The following USP36 variants were observed in gnomAD, a reference collection of about 807,000 sequenced individuals.
USP36 encodes ubiquitin specific peptidase 36.
USP36 carries 59 observed loss-of-function variants against 111.5 expected under a neutral mutation model. That is an observed-to-expected ratio of 0.53 (90% CI 0.43 to 0.66). The LOEUF is 0.66. Among genes scored for constraint, USP36 ranks in the 30% least tolerant of loss-of-function variants. USP36 has a pLI of 0.00. For synonymous variants in USP36, 628 were observed against 581.0 expected, an observed-to-expected ratio of 1.08 and a Z score of -1.16; for missense variants, 1,488 against 1,468.0, an observed-to-expected ratio of 1.01 and a Z score of -0.22.
chr17:78,790,915 C>G (rs2093577993), downstream of USP36, among the ~76,000 whole-genome samples: 1 of 152,108 alleles, frequency 6.6e-6, no homozygotes. Flanking sequence ...GCAGCCATGT[C>G]CTGTTGCTTC....
chr17:78,803,111 G>A lies in USP36; in HGVS notation c.2810+274C>T, dbSNP rs2093797410. 6.6e-6 allele frequency among the ~76,000 whole-genome samples: 1 copy of A among 151,778 alleles called. No individual in the cohort carries two copies. Among genetic ancestry groups the A allele is most frequent in the African/African-American group, 2.4e-5 (1 of 41,286 alleles). On this transcript the variant is annotated intron_variant, in intron 16 of 20. Transcript: ENST00000449938. This position sits in a 1 kb window ranked among gnomAD's most constrained non-coding sequence, Gnocchi z 4.6. ...ATGCCACCATGCCCAACCAATTTTT[G>A]TTTTTGGTAGAGAAAGGGCTTTTCC...
chr17:78,812,411 C>T (rs1203095215), intron 13 of USP36, among the ~76,000 whole-genome samples: 1 of 151,982 alleles, frequency 6.6e-6, no homozygotes, highest in Non-Finnish European at 1.5e-5. Flanking sequence ...TAACATTGGC[C>T]GGGCGCGGTG....
intron 4 of USP36, 50 bp downstream of exon 4, chr17:78,835,230 T>A (rs138013298): frequency 6.3e-7 from 1 of 1,576,050 alleles, no homozygotes; most frequent in Non-Finnish European, 8.7e-7. Context: ...CATGGGCTTA[T>A]CTAATCCAGA....
In USP36 at chr17:78,807,294, T is replaced by C. The variant is rs1163285898; in HGVS notation, c.1750A>G (p.Lys584Glu). ...SRDVVLSTSP[K>E]LLATATANGH... is the part of the protein sequence containing the mutation. The stretch of plus-strand genomic sequence containing the variant: ...TTGGCAGTGGCTGTAGCCAGGAGCT[T>C]AGGTGAGGTAGAGAGGACAACATCC... The change falls in exon 14 of 21, where the codon AAG becomes GAG. Residue 584 changes from lysine (K) to glutamate (E), a missense_variant. Coordinates refer to ENST00000449938, the MANE Select transcript of USP36 (RefSeq NM_001385174.1). 1 of 1,614,080 alleles carries C rather than the reference T, an allele frequency of 6.2e-7. No homozygotes were observed. Among genetic ancestry groups the C allele is most frequent in the Non-Finnish European group, 8.5e-7 (1 of 1,180,004 alleles).
At chr17:78,818,842 T>C in intron 9 of USP36, 64 bp from the exon 10 acceptor site, 5 of 1,552,500 alleles carry the variant, frequency 3.2e-6, no homozygotes. Context: ...AATGTTGTCT[T>C]AACGCTAAGT....
downstream of USP36, among the ~76,000 whole-genome samples, chr17:78,792,728 G>A (rs1433542703): frequency 3.3e-5 from 5 of 152,008 alleles, no homozygotes; most frequent in East Asian, 9.7e-4. Flanking sequence ...TTTTGTTGTC[G>A]TTGTTTTTGA....
chr17:78,820,086 G>A (rs1169741170), intron 8 of USP36, 74 bp from the exon 9 acceptor site: 2 of 1,532,344 alleles, frequency 1.3e-6, no homozygotes, highest in African/African-American at 2.7e-5. Flanking sequence ...CCAAATTTAA[G>A]GTCTTTTTTA....
intron 10 of USP36, among the ~76,000 whole-genome samples, chr17:78,815,841 AC>A (rs1447728894): frequency 1.6e-5 from 2 of 124,430 alleles, no homozygotes. Context: ...ATATACATAC[AC>A]ACACACATAT....
intron 4 of USP36, among the ~76,000 whole-genome samples, chr17:78,830,618 A>G (rs879706072): frequency 6.6e-6 from 1 of 152,234 alleles, no homozygotes; most frequent in Non-Finnish European, 1.5e-5. Context: ...ATTATCAAAT[A>G]GATCCATCTC....
At chr17:78,813,917 G>A in intron 11 of USP36, 44 bp from the exon 12 acceptor site, 1 of 1,545,154 alleles carries the variant, frequency 6.5e-7, no homozygotes, top group South Asian at 1.1e-5. Context: ...CAATCAACAA[G>A]CATCCCATTA....
chr17:78,812,945 G>C lies in USP36; in HGVS notation c.1322C>G (p.Ser441Cys), dbSNP rs772858458. 2 of 1,613,984 alleles carry C rather than the reference G, an allele frequency of 1.2e-6. No homozygotes were observed. The highest frequency in any genetic ancestry group is 2.7e-5 in the African/African-American group (2 of 74,916). The change falls in exon 13 of 21, where the codon TCC (serine) becomes TGC (cysteine). Residue 441 changes from serine to cysteine, a missense_variant. Transcript: ENST00000449938. ...EGLISRTGSS[S>C]LPGRPSVIPD... ...AATCACACTCGGGCGGCCGGGAAGG[G>C]AGGAGGAGCCTGTCCTGGAGATGAG...
At chr17:78,823,089 C>A in intron 6 of USP36, 1 of 398,948 alleles carries the variant, frequency 2.5e-6, no homozygotes, top group South Asian at 1.3e-4. Flanking sequence ...CTCAGTCTCT[C>A]ATCTGGCCTG....
intron 4 of USP36, among the ~76,000 whole-genome samples, chr17:78,833,436 C>T (rs972395254): frequency 7.9e-5 from 12 of 151,964 alleles, no homozygotes; most frequent in Non-Finnish European, 1.2e-4. Context: ...TGTGAGCCAC[C>T]GTGCCCAGCC....
intron 10 of USP36, among the ~76,000 whole-genome samples, chr17:78,815,802 A>G (rs898343289): frequency 7.2e-5 from 11 of 151,728 alleles, no homozygotes; most frequent in African/African-American, 2.4e-4. Context: ...ATACATGCAT[A>G]CATACATCGT....
chr17:78,799,725 C>A lies in USP36; in HGVS notation c.3066G>T (p.Glu1022Asp), dbSNP rs2093693535. The A allele has an allele frequency of 1.2e-6, 2 of 1,612,772 alleles. No homozygotes were observed. The highest frequency in any genetic ancestry group is 4.5e-5 in the East Asian group (2 of 44,676). Reference sequence around the variant, plus strand: ...TGAGCAGTTCCTGGACCACATCAGACTCCCGCTCTCCATTCCAAGACACAG... The same window carrying A: ...TGAGCAGTTCCTGGACCACATCAGAATCCCGCTCTCCATTCCAAGACACAG... ...APPVSWNGER[E>D]SDVVQELLKY... Residue 1022 changes from glutamate (E) to aspartate (D), a missense_variant, in exon 18 of 21, where the codon GAG becomes GAT. Around this residue, in one of 3 missense-constraint regions of USP36, gnomAD observed 1,073 missense variants for 994.1 expected, o/e 1.08. Transcript: ENST00000449938.
At chr17:78,800,969 ATTTTTTTT>A (rs746497209) in intron 17 of USP36, among the ~76,000 whole-genome samples, 1 of 97,192 alleles carries the variant, frequency 1.0e-5, no homozygotes, top group African/African-American at 4.1e-5. Context: ...TTAGGGCAGT[ATTTTTTTT>A]TTTTTTTTTT....
At chr17:78,813,347 T>G (rs2094112819) in intron 12 of USP36, among the ~76,000 whole-genome samples, 1 of 152,078 alleles carries the variant, frequency 6.6e-6, no homozygotes, top group South Asian at 2.1e-4. Flanking sequence ...GTCTCCAGCC[T>G]CCAGGTCAGT....
chr17:78,833,799 C>G (rs1056411573), intron 4 of USP36, among the ~76,000 whole-genome samples: 1 of 151,482 alleles, frequency 6.6e-6, no homozygotes, highest in African/African-American at 2.4e-5. Flanking sequence ...TATCTATGTT[C>G]GTGAAGAAGT....
rs765761723 is a variant in USP36 at position 78,803,894 on chromosome 17, C to T, written c.2301G>A (p.Lys767=). 3.2e-6 allele frequency: 5 copies of T among 1,545,042 alleles called. No homozygotes were observed. The highest frequency in any genetic ancestry group is 4.4e-6 in the Non-Finnish European group (5 of 1,143,710). Residue 767 remains lysine, a synonymous_variant, in exon 16 of 21, where the codon AAG becomes AAA. Transcript: ENST00000449938. The surrounding 1 kb of genome is among the most constrained non-coding windows in gnomAD (Gnocchi z 4.6). ...PHPTLLSSTP[K]PPGTSEPRSC... is the part of the protein sequence containing the mutation. ...TCCGTGGTTCTGACGTCCCTGGGGG[C>T]TTGGGGGTACTGGACAGCAATGTGG...
Sources: gnomAD v4.1 joint callset for allele counts (sites outside exome capture counted in the v4.1 genomes callset) on GRCh38, gnomAD v4.1.1 for gene constraint, gnomAD v4.1.1 regional missense constraint, Gnocchi (gnomAD v3.1) non-coding constraint, MANE v1.5 for transcripts, NCBI Gene and HGNC (gene_info 2026-07-23, HGNC 2026-07-21) for gene names.